TRAF3: variants seen among roughly 807,000 people sequenced by gnomAD.
TRAF3 encodes the protein TNF receptor associated factor 3.
A neutral mutation model predicts 62.3 loss-of-function variants in TRAF3; 13 were observed. The observed-to-expected ratio is 0.21, with a 90% CI of 0.14 to 0.33. TRAF3 has a LOEUF of 0.33. Ranked by LOEUF, TRAF3 falls within the 10% of genes least tolerant of loss-of-function variation. The pLI, the probability that TRAF3 is intolerant of heterozygous loss-of-function variation, is 1.00. For missense variants in TRAF3, 440 were observed against 741.8 expected (o/e 0.59, Z 4.73); for synonymous variants, 269 against 283.4 (o/e 0.95, Z 0.51).
At chr14:102,900,474 C>A (rs1438866340) in intron 10 of TRAF3, among the ~76,000 whole-genome samples, 1 of 152,190 alleles carries the variant, frequency 6.6e-6, no homozygotes, top group Non-Finnish European at 1.5e-5. Flanking sequence ...GCACTCGAGA[C>A]TGGGTGACAG....
At chr14:102,856,389 G>A (rs1476954899) in intron 2 of TRAF3, among the ~76,000 whole-genome samples, 2 of 152,152 alleles carry the variant, frequency 1.3e-5, no homozygotes, top group Non-Finnish European at 2.9e-5. Flanking sequence ...ACCATACAGG[G>A]CAACTTCCTG....
At chr14:102,814,916 C>A (rs1899423388) in intron 1 of TRAF3, among the ~76,000 whole-genome samples, 1 of 152,042 alleles carries the variant, frequency 6.6e-6, no homozygotes, top group African/African-American at 2.4e-5. Flanking sequence ...GCTTATTGTG[C>A]TTTTGGTATC....
chr14:102,811,224 T>G (rs1228286402), intron 1 of TRAF3, among the ~76,000 whole-genome samples: 1 of 152,098 alleles, frequency 6.6e-6, no homozygotes, highest in Non-Finnish European at 1.5e-5. Flanking sequence ...CCATGATTTT[T>G]GCTGCTTTGA....
At chr14:102,831,817 G>A (rs1900709961) in intron 2 of TRAF3, among the ~76,000 whole-genome samples, 1 of 152,072 alleles carries the variant, frequency 6.6e-6, no homozygotes, top group Admixed American at 6.5e-5. Context: ...CATCATCATG[G>A]GTAGTTTGGT....
chr14:102,850,685 G>A (rs11622108), intron 2 of TRAF3, among the ~76,000 whole-genome samples: 2,660 of 75,036 alleles, frequency 0.035, 29 homozygotes, highest in African/African-American at 0.086. Context: ...GTGAGACTCC[G>A]TCTAAAAAAA....
At chr14:102,879,784 T>C (rs1244229601) in intron 6 of TRAF3, among the ~76,000 whole-genome samples, 2 of 152,104 alleles carry the variant, frequency 1.3e-5, no homozygotes, top group African/African-American at 4.8e-5. Flanking sequence ...CATTGTGAAA[T>C]CTTTTTCTTG....
intron 1 of TRAF3, among the ~76,000 whole-genome samples, chr14:102,786,126 A>G (rs982062758): frequency 3.9e-5 from 6 of 152,294 alleles, no homozygotes; most frequent in African/African-American, 1.4e-4. Context: ...CCTGCTTTGA[A>G]TTCTGGTCTG....
intron 1 of TRAF3, among the ~76,000 whole-genome samples, chr14:102,808,294 C>T (rs1659022065): frequency 6.6e-6 from 1 of 152,138 alleles, no homozygotes; most frequent in African/African-American, 2.4e-5. Context: ...AGGCGAATCA[C>T]CTGAGGTCAG....
In TRAF3 at chr14:102,785,158, C is replaced by T. The variant is rs549498691; in HGVS notation, c.-157+7483C>T. 2.0e-5 allele frequency among the ~76,000 whole-genome samples: 3 copies of T among 152,322 alleles called. No individual in the cohort carries two copies. The South Asian group carries it at 6.2e-4, about 32-fold the overall frequency. On this transcript the variant is annotated intron_variant, in intron 1 of 11. Coordinates refer to ENST00000392745, the MANE Select transcript of TRAF3 (RefSeq NM_145725.3). ...TTTCAGAGTAGACTTAGTTTTGCTG[C>T]TGTAGAGTGCTTTTTAAACAAATTG...
intron 1 of TRAF3, among the ~76,000 whole-genome samples, chr14:102,801,114 G>A (rs1437231329): frequency 6.6e-5 from 10 of 152,190 alleles, no homozygotes; most frequent in Admixed American, 2.0e-4. Flanking sequence ...TGCAGTGAGC[G>A]GAGATCGCGC....
Position 102,829,680 on chromosome 14 carries a change from G to A in TRAF3, c.-156-654G>A, listed in dbSNP as rs577669908. Among the ~76,000 whole-genome samples the A allele has an allele frequency of 5.9e-5, 9 of 152,324 alleles. No individual in the cohort carries two copies. In the South Asian group the frequency reaches 1.7e-3, roughly 28 times the overall value. ...CACTTGCTAGGGCTCTTCCTGGGAGGCAGCCCTGCCTGTTTCCAGGGTATC... is the reference window on the plus strand; with the variant it reads ...CACTTGCTAGGGCTCTTCCTGGGAGACAGCCCTGCCTGTTTCCAGGGTATC... On this transcript the variant is annotated intron_variant, in intron 1 of 11. Transcript: ENST00000392745.
chr14:102,896,081 A>G (rs1889993002), intron 9 of TRAF3, among the ~76,000 whole-genome samples: 1 of 152,230 alleles, frequency 6.6e-6, no homozygotes, highest in Non-Finnish European at 1.5e-5. Context: ...TTTATGGGGT[A>G]CAGTGTAATG....
At chr14:102,796,498 T>G (rs1481642396) in intron 1 of TRAF3, among the ~76,000 whole-genome samples, 1 of 152,238 alleles carries the variant, frequency 6.6e-6, no homozygotes. Flanking sequence ...TCAGAAGTTC[T>G]AGAGGCCTGG....
At chr14:102,820,778 C>T (rs938730250) in intron 1 of TRAF3, among the ~76,000 whole-genome samples, 15 of 150,170 alleles carry the variant, frequency 1.0e-4, no homozygotes, top group Non-Finnish European at 1.8e-4. Flanking sequence ...TATAGGCACC[C>T]ACCACCACAC....
intron 1 of TRAF3, among the ~76,000 whole-genome samples, chr14:102,824,179 T>C (rs927188768): frequency 2.0e-5 from 3 of 152,254 alleles, no homozygotes; most frequent in African/African-American, 7.2e-5. Context: ...CATTTATGTT[T>C]GTACAGACAG....
chr14:102,900,193 A>AAAAAG (rs1890214685), intron 10 of TRAF3, among the ~76,000 whole-genome samples: 1 of 148,170 alleles, frequency 6.7e-6, no homozygotes, highest in African/African-American at 2.5e-5. Flanking sequence ...AAAAAAAAAA[A>AAAAAG]AAAAAAAAAA....
chr14:102,889,613 G>A lies in TRAF3; in HGVS notation c.705G>A (p.Lys235=), dbSNP rs1399169091. 1 of 1,614,226 alleles carries A rather than the reference G, an allele frequency of 6.2e-7. No individual in the cohort carries two copies. The highest frequency in any genetic ancestry group is 1.7e-5 in the Admixed American group (1 of 60,018). ...CVNAPSTCSF[K]RYGCVFQGTN... is the part of the protein sequence containing the mutation. ...ATGCCCCCAGCACCTGTAGTTTTAA[G>A]CGCTATGGCTGCGTTTTTCAGGTCA... The change falls in exon 8 of 12, where the codon AAG becomes AAA. Residue 235 remains lysine, a synonymous_variant. Transcript: ENST00000392745.
rs186844617 is a variant in TRAF3 at position 102,905,591 on chromosome 14, G to A, written c.1514G>A (p.Arg505Gln). 2.5e-6 allele frequency: 4 copies of A among 1,614,164 alleles called. No homozygotes were observed. Among genetic ancestry groups the A allele is most frequent in the Non-Finnish European group, 8.5e-7 (1 of 1,180,022 alleles). Residue 505 changes from arginine (R) to glutamine (Q), a missense_variant, in exon 12 of 12, where the codon CGA becomes CAA. Coordinates refer to ENST00000392745, the MANE Select transcript of TRAF3 (RefSeq NM_145725.3). ...TLMLMDQGSSRRHLGDAFKPD... is the reference protein window; with the variant it reads ...TLMLMDQGSSQRHLGDAFKPD... ...ATGCTGATGGATCAGGGGTCCTCTC[G>A]ACGTCATTTGGGAGATGCATTCAAG...
intron 6 of TRAF3, among the ~76,000 whole-genome samples, chr14:102,876,957 C>A (rs1888704063): frequency 1.3e-5 from 2 of 150,514 alleles, no homozygotes; most frequent in African/African-American, 4.9e-5. Context: ...CCGCTCAATT[C>A]ATAGATAATC....
Sources: gnomAD v4.1 joint callset for allele counts (sites outside exome capture counted in the v4.1 genomes callset) on GRCh38, gnomAD v4.1.1 for gene constraint, MANE v1.5 for transcripts, NCBI Gene and HGNC (gene_info 2026-07-23, HGNC 2026-07-21) for gene names.